USH2A: variants seen among roughly 807,000 people sequenced by gnomAD.
USH2A encodes the protein Usher syndrome 2A (autosomal recessive, mild).
In USH2A, 443 loss-of-function variants were observed where a neutral mutation model predicts 538.9. The ratio of observed to expected loss-of-function variants is 0.82; its 90% CI spans 0.76 to 0.89. The LOEUF (loss-of-function observed/expected upper bound fraction) is 0.89, where lower values mean the gene tolerates loss of function less well. Ranked by LOEUF, USH2A falls within the 40% of genes least tolerant of loss-of-function variation. The pLI, the probability that USH2A is intolerant of heterozygous loss-of-function variation, is 0.00. For synonymous variants in USH2A, 2,413 were observed against 2,273.5 expected (o/e 1.06, Z -1.75); for missense variants, 6,633 against 6,324.8 (o/e 1.05, Z -1.65).
At chr1:215,742,441 A>G (rs971155404) in intron 59 of USH2A, among the ~76,000 whole-genome samples, 1 of 142,704 alleles carries the variant, frequency 7.0e-6, no homozygotes, top group Non-Finnish European at 1.5e-5. Context: ...CATATGTTAT[A>G]TATGATATAC....
rs2030525921 is a variant in USH2A, at chr1:216,046,471, C to T, written c.6285G>A (p.Arg2095=). ...TCTCCTCACTGCCTGAATAGATCAG[C>T]CTCCCATCCATGTATAAACAGTACT... is the stretch of plus-strand genomic sequence containing the variant. The part of the protein sequence containing the change: ...ITQYCLYMDG[R]LIYSGSEENY... The change falls in exon 32 of 72, where the codon AGG becomes AGA. Residue 2095 remains arginine (R), a synonymous_variant. Coordinates refer to ENST00000307340, the MANE Select transcript of USH2A (RefSeq NM_206933.4). The T allele has an allele frequency of 6.2e-7, 1 of 1,613,524 alleles. No homozygotes were observed. Among genetic ancestry groups the T allele is most frequent in the African/African-American group, 1.3e-5 (1 of 74,884 alleles).
At chr1:215,641,978 T>A (rs1192600494) in intron 67 of USH2A, among the ~76,000 whole-genome samples, 1 of 152,228 alleles carries the variant, frequency 6.6e-6, no homozygotes, top group Non-Finnish European at 1.5e-5. Context: ...TCTATTGTTA[T>A]TTGTCTATGA....
intron 34 of USH2A, among the ~76,000 whole-genome samples, chr1:215,996,742 C>T (rs1668152961): frequency 2.0e-5 from 3 of 151,932 alleles, no homozygotes; most frequent in East Asian, 1.9e-4. Flanking sequence ...GCTCAGCTTC[C>T]CATTTCCAAT....
chr1:215,713,090 A>C (rs1032903035), intron 61 of USH2A, among the ~76,000 whole-genome samples: 11 of 152,212 alleles, frequency 7.2e-5, no homozygotes, highest in African/African-American at 2.4e-5. Flanking sequence ...TACAGGCATG[A>C]GCCACAGCGC....
intron 37 of USH2A, among the ~76,000 whole-genome samples, chr1:215,944,827 A>G (rs1429080733): frequency 2.0e-5 from 3 of 152,154 alleles, no homozygotes; most frequent in Admixed American, 6.6e-5. Flanking sequence ...AATCAGTGGT[A>G]GGTAATTTGT....
chr1:216,152,466 T>G (rs971092987), intron 21 of USH2A, among the ~76,000 whole-genome samples: 7 of 144,718 alleles, frequency 4.8e-5, no homozygotes, highest in Non-Finnish European at 1.1e-4. Context: ...CCCCCACTCC[T>G]GCCCACTGAG....
intron 11 of USH2A, among the ~76,000 whole-genome samples, chr1:216,259,061 A>G (rs1175985268): frequency 6.6e-6 from 1 of 152,100 alleles, no homozygotes; most frequent in Non-Finnish European, 1.5e-5. Context: ...CCATGGATCA[A>G]AAACCTCATG....
intron 48 of USH2A, among the ~76,000 whole-genome samples, chr1:215,815,207 C>T (rs140617791): frequency 3.7e-4 from 56 of 151,988 alleles, no homozygotes; most frequent in African/African-American, 1.3e-3. Context: ...AAAAATAAGA[C>T]TTTGTTTAAG....
intron 34 of USH2A, among the ~76,000 whole-genome samples, chr1:215,994,106 T>C (rs1289716299): frequency 6.6e-6 from 1 of 152,098 alleles, no homozygotes; most frequent in Non-Finnish European, 1.5e-5. Context: ...CAAGTTACAA[T>C]TTCAATTGAT....
chr1:215,683,421 A>G (rs1658308634), intron 61 of USH2A, among the ~76,000 whole-genome samples: 1 of 152,220 alleles, frequency 6.6e-6, no homozygotes, highest in South Asian at 2.1e-4. Context: ...AATTTATATT[A>G]TTCTCTCCTG....
intron 15 of USH2A, among the ~76,000 whole-genome samples, chr1:216,216,580 A>G (rs1175353879): frequency 2.0e-5 from 3 of 152,074 alleles, no homozygotes; most frequent in Non-Finnish European, 4.4e-5. Context: ...TATGTTGTAG[A>G]GGGCTCCTAC....
At chr1:215,958,825 T>C (rs1052677991) in intron 37 of USH2A, among the ~76,000 whole-genome samples, 2 of 152,148 alleles carry the variant, frequency 1.3e-5, no homozygotes, top group Non-Finnish European at 2.9e-5. Flanking sequence ...CACTCCTATT[T>C]AGTTTTCTTT....
At chr1:216,006,639 T>C (rs1668398801) in intron 32 of USH2A, among the ~76,000 whole-genome samples, 1 of 152,216 alleles carries the variant, frequency 6.6e-6, no homozygotes. Flanking sequence ...GCCATAATTA[T>C]GTTGTTCCTT....
intron 60 of USH2A, among the ~76,000 whole-genome samples, chr1:215,733,091 G>A (rs2102718256): frequency 6.6e-6 from 1 of 152,012 alleles, no homozygotes; most frequent in African/African-American, 2.4e-5. Context: ...AAAGCATGAT[G>A]CTGGCATCTG....
chr1:215,685,521 G>A (rs2102676693), intron 61 of USH2A, among the ~76,000 whole-genome samples: 1 of 151,796 alleles, frequency 6.6e-6, no homozygotes, highest in Middle Eastern at 3.4e-3. Flanking sequence ...CCACGCCCAG[G>A]TAATTTTTGT....
In USH2A at chr1:216,149,333, C is replaced by T. The variant is rs139941781; in HGVS notation, c.4627+25919G>A. The stretch of plus-strand genomic sequence containing the variant: ...CCGGTTTGGCCTTCCCACCTCTATA[C>T]AGTCTGATAACGGACCAGCCTTTAC... On this transcript the variant is annotated intron_variant, in intron 21 of 71. Transcript: ENST00000307340. Among the ~76,000 whole-genome samples the T allele has an allele frequency of 7.9e-3, 1,196 of 152,316 alleles. 18 individuals are homozygous for T. The highest frequency in any genetic ancestry group is 0.028 in the African/African-American group (1,165 of 41,550).
chr1:216,066,045 T>A (rs892360101), intron 30 of USH2A, among the ~76,000 whole-genome samples: 1 of 152,178 alleles, frequency 6.6e-6, no homozygotes, highest in Admixed American at 6.5e-5. Context: ...TATTCTGATA[T>A]ATTTTGCCTT....
chr1:215,998,954 G>A lies in USH2A; in HGVS notation c.6590C>T (p.Thr2197Ile), dbSNP rs140487302. The change falls in exon 34 of 72, where the codon ACA becomes ATA. Residue 2197 changes from threonine (T) to isoleucine (I), a missense_variant. Physicochemically the swap from Thr to Ile is moderately conservative, Grantham distance 89 (BLOSUM62 -1). Transcript: ENST00000307340. ...TAGCATATGATCCTGGAAAAGTTCT[G>A]TACTGTTATAGATGACACTCCAAAT... ...FTIWSVIYNS[T>I]ELFQDHMLQY... 4.4e-4 allele frequency: 709 copies of A among 1,613,094 alleles called. No individual in the cohort carries two copies. The highest frequency in any genetic ancestry group is 5.7e-4 in the Non-Finnish European group (669 of 1,179,458).
chr1:215,998,965 G>C lies in USH2A; in HGVS notation c.6579C>G (p.Ile2193Met), dbSNP rs765566223. 3.1e-6 allele frequency: 5 copies of C among 1,612,996 alleles called. No individual in the cohort carries two copies. In the Admixed American group the frequency reaches 6.7e-5, roughly 22 times the overall value. The change falls in exon 34 of 72, where the codon ATC (isoleucine) becomes ATG (methionine). Residue 2193 changes from isoleucine (I) to methionine (M), a missense_variant. Coordinates refer to ENST00000307340, the MANE Select transcript of USH2A (RefSeq NM_206933.4). Reference sequence around the variant, plus strand: ...CCTGGAAAAGTTCTGTACTGTTATAGATGACACTCCAAATTGTAAAATCAT... The same window carrying C: ...CCTGGAAAAGTTCTGTACTGTTATACATGACACTCCAAATTGTAAAATCAT... ...HTHDFTIWSV[I>M]YNSTELFQDH...
Sources: gnomAD v4.1 joint callset for allele counts (sites outside exome capture counted in the v4.1 genomes callset) on GRCh38, gnomAD v4.1.1 for gene constraint, MANE v1.5 for transcripts, NCBI Gene and HGNC (gene_info 2026-07-23, HGNC 2026-07-21) for gene names.